The following PEX7 variants were observed in gnomAD, a reference collection of about 807,000 sequenced individuals.
The protein encoded by PEX7 is peroxisomal biogenesis factor 7, also known as PTS2 receptor.
In PEX7, 34 loss-of-function variants were observed where a neutral mutation model predicts 47.5. The observed-to-expected ratio is 0.72, with a 90% CI of 0.54 to 0.95. The LOEUF is 0.95. Ranked by LOEUF, PEX7 falls within the 40% of genes least tolerant of loss-of-function variation. The pLI, the probability that PEX7 is intolerant of heterozygous loss-of-function variation, is 0.00. For missense variants in PEX7, 394 were observed against 400.3 expected (o/e 0.98, Z 0.13); for synonymous variants, 141 against 148.8 (o/e 0.95, Z 0.38).
intron 5 of PEX7, among the ~76,000 whole-genome samples, chr6:136,863,056 A>G (rs1326290384): frequency 6.6e-6 from 1 of 152,234 alleles, no homozygotes; most frequent in Non-Finnish European, 1.5e-5. Context: ...GACCACAGAC[A>G]GTGATTATAA....
intron 8 of PEX7, among the ~76,000 whole-genome samples, chr6:136,875,911 C>T (rs1775262476): frequency 6.6e-6 from 1 of 152,114 alleles, no homozygotes; most frequent in South Asian, 2.1e-4. Context: ...ACAGTTAATG[C>T]TTTTTGTTTC....
intron 8 of PEX7, among the ~76,000 whole-genome samples, chr6:136,883,257 G>T (rs779628646): frequency 6.6e-6 from 1 of 151,938 alleles, no homozygotes; most frequent in Non-Finnish European, 1.5e-5. Context: ...AAATGTTCAG[G>T]TCTCAGGCAT....
chr6:136,873,237 C>T (rs183977354), intron 8 of PEX7, among the ~76,000 whole-genome samples: 7 of 152,250 alleles, frequency 4.6e-5, no homozygotes, highest in Admixed American at 4.6e-4. Context: ...CATTCTCATT[C>T]TGCATAATAC....
At chr6:136,830,880 TA>T (rs955995522) in intron 3 of PEX7, among the ~76,000 whole-genome samples, 4 of 149,776 alleles carry the variant, frequency 2.7e-5, no homozygotes, top group Non-Finnish European at 4.4e-5. Flanking sequence ...TTTTATAACA[TA>T]TTTGATCCAT....
At chr6:136,828,563 G>A (rs953418027) in intron 3 of PEX7, among the ~76,000 whole-genome samples, 4 of 152,118 alleles carry the variant, frequency 2.6e-5, no homozygotes, top group African/African-American at 4.8e-5. Flanking sequence ...AATAGCCATC[G>A]TGCTCTCTTC....
chr6:136,836,036 GAGTT>G (rs1774379357), intron 3 of PEX7, among the ~76,000 whole-genome samples: 1 of 152,180 alleles, frequency 6.6e-6, no homozygotes, highest in Non-Finnish European at 1.5e-5. Context: ...TCTCTGAAGT[GAGTT>G]AGTGAGTGAA....
intron 5 of PEX7, among the ~76,000 whole-genome samples, chr6:136,866,156 T>G (rs1179773264): frequency 6.6e-6 from 1 of 151,710 alleles, no homozygotes; most frequent in Non-Finnish European, 1.5e-5. Flanking sequence ...AAAAATACAC[T>G]TATAGCTGGC....
chr6:136,843,983 T>C (rs1357641557), intron 3 of PEX7, among the ~76,000 whole-genome samples: 1 of 152,194 alleles, frequency 6.6e-6, no homozygotes, highest in Non-Finnish European at 1.5e-5. Context: ...AAAAAACCCA[T>C]TATGAACAAA....
rs1396850315 is a variant in PEX7 at position 136,913,441 on chromosome 6, T to A, written c.904-17T>A. The A allele has an allele frequency of 6.3e-7, 1 of 1,590,122 alleles. No individual in the cohort carries two copies. Among genetic ancestry groups the A allele is most frequent in the Non-Finnish European group, 8.6e-7 (1 of 1,158,930 alleles). On this transcript the variant is annotated splice_polypyrimidine_tract_variant and intron_variant, in intron 9 of 9. Coordinates refer to ENST00000318471, the MANE Select transcript of PEX7 (RefSeq NM_000288.4). The stretch of plus-strand genomic sequence containing the variant: ...ATGTCTAAATACGTTTCTTCTTACT[T>A]CATTTTTGTTTTCTAGGTGGCTGAC...
At chr6:136,847,431 C>A (rs1582745947) in intron 5 of PEX7, among the ~76,000 whole-genome samples, 8 of 150,420 alleles carry the variant, frequency 5.3e-5, no homozygotes, top group African/African-American at 1.5e-4. Flanking sequence ...TGCCTATGTC[C>A]TGAATGGTAT....
intron 5 of PEX7, among the ~76,000 whole-genome samples, chr6:136,865,856 G>A (rs564036947): frequency 1.4e-4 from 21 of 151,998 alleles, no homozygotes; most frequent in Non-Finnish European, 2.9e-4. Flanking sequence ...AGGCTGAGGC[G>A]GGTGGATCAC....
chr6:136,869,295 A>G (rs1775130243), intron 6 of PEX7, among the ~76,000 whole-genome samples: 1 of 152,042 alleles, frequency 6.6e-6, no homozygotes, highest in South Asian at 2.1e-4. Context: ...AGGCTGAGGT[A>G]CAGTGGGGTG....
At chr6:136,904,462 G>A (rs536618051) in intron 9 of PEX7, among the ~76,000 whole-genome samples, 77 of 151,980 alleles carry the variant, frequency 5.1e-4, no homozygotes, top group African/African-American at 1.7e-3. Context: ...CTGTGTCCCC[G>A]CCCAAATCTC....
chr6:136,896,385 C>A (rs938730276), intron 8 of PEX7, among the ~76,000 whole-genome samples: 1 of 152,178 alleles, frequency 6.6e-6, no homozygotes, highest in Non-Finnish European at 1.5e-5. Flanking sequence ...TAGGGTGATG[C>A]CATTCACTCA....
intron 5 of PEX7, among the ~76,000 whole-genome samples, chr6:136,858,064 C>T (rs761008858): frequency 6.6e-6 from 1 of 152,210 alleles, no homozygotes; most frequent in Non-Finnish European, 1.5e-5. Flanking sequence ...AATCCTCCCG[C>T]CTTCAGCCTC....
At chr6:136,826,566 A>G (rs567210543) in intron 3 of PEX7, 97 bp downstream of exon 3, 1 of 1,375,730 alleles carries the variant, frequency 7.3e-7, no homozygotes, top group Non-Finnish European at 1.0e-6. Context: ...TCTTCAGGGG[A>G]CAAGTTTAAA....
intron 8 of PEX7, among the ~76,000 whole-genome samples, chr6:136,882,175 CTTTT>C (rs35653586): frequency 9.6e-6 from 1 of 104,320 alleles, no homozygotes; most frequent in Non-Finnish European, 1.9e-5. Flanking sequence ...TCTTCTTCTT[CTTTT>C]TTTTTTTTTT....
chr6:136,889,730 CAAAAT>C (rs1775523818), intron 8 of PEX7, among the ~76,000 whole-genome samples: 1 of 152,122 alleles, frequency 6.6e-6, no homozygotes, highest in Admixed American at 6.5e-5. Context: ...CTGAAAATGA[CAAAAT>C]AAATGAGCTC....
chr6:136,828,479 A>G (rs925412394), intron 3 of PEX7, among the ~76,000 whole-genome samples: 2 of 152,202 alleles, frequency 1.3e-5, no homozygotes, highest in Non-Finnish European at 1.5e-5. Flanking sequence ...ATAGCAACCA[A>G]CTGCTGCTTT....
Sources: gnomAD v4.1 joint callset for allele counts (sites outside exome capture counted in the v4.1 genomes callset) on GRCh38, gnomAD v4.1.1 for gene constraint, MANE v1.5 for transcripts, NCBI Gene and HGNC (gene_info 2026-07-23, HGNC 2026-07-21) for gene names.